The following PHF10 variants were observed in gnomAD, a reference collection of about 807,000 sequenced individuals.
The protein encoded by PHF10 is PHD finger protein 10.
Under a neutral mutation model 68.5 loss-of-function variants are expected in PHF10, and 51 were observed. The observed-to-expected ratio is 0.74, with a 90% CI of 0.59 to 0.94. PHF10 has a LOEUF of 0.94. Ranked by LOEUF, PHF10 falls within the 40% of genes least tolerant of loss-of-function variation. PHF10 has a pLI of 0.00. For synonymous variants in PHF10, 204 were observed against 203.5 expected, an observed-to-expected ratio of 1.00 and a Z score of -0.02; for missense variants, 460 against 602.6, an observed-to-expected ratio of 0.76 and a Z score of 2.48.
chr6:169,723,924 G>A lies in PHF10; in HGVS notation c.8C>T (p.Ala3Val). The A allele has an allele frequency of 4.0e-6, 4 of 1,006,672 alleles. No individual in the cohort carries two copies. The highest frequency in any genetic ancestry group is 4.8e-6 in the Non-Finnish European group (4 of 837,042). The allele number at this position is 1,006,672 out of a possible 1,614,324, so 62.4% of individuals were successfully genotyped here. A position where few individuals can be genotyped will look rare whatever the true frequency, so the allele number is the denominator to read the frequency against. MA[A>V]AAGPGAALSP... is the part of the protein sequence containing the mutation. ...CAGCGCAGCCCCGGGCCCGGCCGCC[G>A]CCGCCATCAGCCCGAGCGCCCCGCG... Residue 3 changes from alanine to valine, a missense_variant, in exon 1 of 12, where the codon GCG (alanine) becomes GTG (valine). Ala to Val is a moderately conservative substitution (Grantham distance 64). Coordinates refer to ENST00000339209, the MANE Select transcript of PHF10 (RefSeq NM_018288.4).
intron 9 of PHF10, among the ~76,000 whole-genome samples, chr6:169,705,982 A>G (rs1389095376): frequency 6.6e-6 from 1 of 152,220 alleles, no homozygotes; most frequent in Non-Finnish European, 1.5e-5. Flanking sequence ...CTACATGCAC[A>G]GTAAGATTTG....
chr6:169,714,426 A>G (rs1461239045), intron 7 of PHF10, among the ~76,000 whole-genome samples: 5 of 152,254 alleles, frequency 3.3e-5, no homozygotes, highest in East Asian at 1.9e-4. Flanking sequence ...CTTCTGAGCA[A>G]TAACAGTGCT....
intron 7 of PHF10, 94 bp downstream of exon 7, chr6:169,714,639 C>G: frequency 1.4e-6 from 1 of 737,058 alleles, no homozygotes; most frequent in Non-Finnish European, 2.5e-6. Flanking sequence ...ACGGTGATAT[C>G]TATAGACCCC....
At chr6:169,712,191 T>TA (rs1327516191) in intron 8 of PHF10, among the ~76,000 whole-genome samples, 195 bp downstream of exon 8, 2 of 152,252 alleles carry the variant, frequency 1.3e-5, no homozygotes, top group African/African-American at 4.8e-5. Context: ...GGGGCGATTT[T>TA]AAGCATAAAG....
At chr6:169,710,529 A>G (rs1336486845) in intron 8 of PHF10, 138 bp from the exon 9 acceptor site, 2 of 691,168 alleles carry the variant, frequency 2.9e-6, no homozygotes, top group African/African-American at 3.7e-5. Context: ...TTCTAAATGT[A>G]AGAAAGCTTT....
rs962911351 is a variant in PHF10 at position 169,710,337 on chromosome 6, C to T, written c.1012G>A (p.Asp338Asn). 3 of 1,611,682 alleles carry T rather than the reference C, an allele frequency of 1.9e-6. No individual in the cohort carries two copies. The highest frequency in any genetic ancestry group is 2.7e-5 in the African/African-American group (2 of 74,820). Residue 338 changes from aspartate (D) to asparagine (N), a missense_variant, in exon 9 of 12, where the codon GAC (aspartate) becomes AAC (asparagine). Transcript: ENST00000339209. ...GATTTCTGTCTTCCCTGGAAAGAGT[C>T]CTCCTGGCTGTCAGGAGGGCTTTCC... is the stretch of plus-strand genomic sequence containing the variant. ...EGESPPDSQE[D>N]SFQGRQKSKD...
At chr6:169,714,332 C>G (rs1289096779) in intron 7 of PHF10, among the ~76,000 whole-genome samples, 3 of 152,220 alleles carry the variant, frequency 2.0e-5, no homozygotes, top group African/African-American at 7.2e-5. Context: ...CTAACCTGCA[C>G]ATGAATCACA....
intron 7 of PHF10, among the ~76,000 whole-genome samples, chr6:169,713,667 TA>T (rs1352063825): frequency 2.6e-5 from 4 of 152,092 alleles, no homozygotes; most frequent in African/African-American, 9.7e-5. Flanking sequence ...AATTTGAATT[TA>T]AAAAATCTTT....
intron 2 of PHF10, chr6:169,719,173 A>C: frequency 3.5e-6 from 1 of 286,484 alleles, no homozygotes; most frequent in South Asian, 4.8e-5. Flanking sequence ...AATTGCTAAG[A>C]ACGAAGGCAT....
intron 2 of PHF10, chr6:169,719,158 A>G (rs1310508234): frequency 2.8e-5 from 9 of 317,350 alleles, no homozygotes; most frequent in African/African-American, 8.7e-5. Flanking sequence ...AGAACGTAGA[A>G]TCACAATTGC....
Position 169,721,559 on chromosome 6 carries a change from A to G in PHF10, c.88-448T>C, listed in dbSNP as rs143901172. Among the ~76,000 whole-genome samples the G allele has an allele frequency of 1.1e-4, 16 of 152,316 alleles. No homozygotes were observed. The East Asian group carries it at 3.1e-3, about 29-fold the overall frequency. On this transcript the variant is annotated intron_variant, in intron 1 of 11. Transcript: ENST00000339209. ...TATGAGACCGAAAACAATTCTAACT[A>G]TTCACTCTTCCTCTTACACTGCTAA...
At chr6:169,704,171 G>C in intron 11 of PHF10, 83 bp from the exon 12 acceptor site, 1 of 965,248 alleles carries the variant, frequency 1.0e-6, no homozygotes, top group Admixed American at 3.3e-5. Context: ...TTCTGCCTTA[G>C]CTATCACTAA....
chr6:169,710,267 G>A lies in PHF10; in HGVS notation c.1082C>T (p.Ser361Phe). ...ATPRKDGPKR[S>F]VLSKSVPGYK... ...CCCAGGAACTGACTTGGACAGTACA[G>A]AACGTTTGGGACCATCTTTTCTTGG... The change falls in exon 9 of 12, where the codon TCT (serine) becomes TTT (phenylalanine). Residue 361 changes from serine (S) to phenylalanine (F), a missense_variant. By Grantham distance (155) the Ser-to-Phe change is radical. Transcript: ENST00000339209. 1.2e-6 allele frequency: 2 copies of A among 1,612,670 alleles called. No homozygotes were observed. The highest frequency in any genetic ancestry group is 1.7e-6 in the Non-Finnish European group (2 of 1,179,572).
intron 5 of PHF10, 40 bp from the exon 6 acceptor site, chr6:169,715,897 T>G (rs1357489732): frequency 1.2e-5 from 19 of 1,596,996 alleles, no homozygotes; most frequent in Non-Finnish European, 1.5e-5. Flanking sequence ...CATATAACTT[T>G]CTAAAATGTC....
chr6:169,715,102 T>C (rs532072504), intron 6 of PHF10, among the ~76,000 whole-genome samples: 1 of 152,326 alleles, frequency 6.6e-6, no homozygotes, highest in African/African-American at 2.4e-5. Context: ...GGGTAGCTTA[T>C]ACGACCTCTC....
At chr6:169,708,423 A>T (rs775234563) in intron 9 of PHF10, 13 of 152,228 alleles carry the variant, frequency 8.5e-5, no homozygotes, top group Non-Finnish European at 1.0e-4. Flanking sequence ...TTTTATATAT[A>T]AACTATGACC....
At chr6:169,713,563 C>T (rs1788975138) in intron 7 of PHF10, among the ~76,000 whole-genome samples, 1 of 147,370 alleles carries the variant, frequency 6.8e-6, no homozygotes, top group African/African-American at 2.5e-5. Context: ...CGCGCCACTG[C>T]ACTCCAGCCT....
At chr6:169,716,929 A>C (rs1276292462) in intron 4 of PHF10, among the ~76,000 whole-genome samples, 1 of 152,224 alleles carries the variant, frequency 6.6e-6, no homozygotes, top group Non-Finnish European at 1.5e-5. Context: ...TTTGTACAAA[A>C]AATACAAACA....
intron 9 of PHF10, 24 bp downstream of exon 9, chr6:169,710,212 G>A (rs767533165): frequency 3.9e-6 from 6 of 1,552,806 alleles, no homozygotes; most frequent in Non-Finnish European, 4.3e-6. Context: ...TAAAGAAGCT[G>A]AGTCAGGGGC....
Sources: allele counts gnomAD v4.1 joint callset (sites outside exome capture counted in the v4.1 genomes callset), GRCh38; gene constraint gnomAD v4.1.1; transcripts MANE v1.5; gene names NCBI Gene and HGNC (gene_info 2026-07-23, HGNC 2026-07-21).